FAM219A: variants seen among roughly 807,000 people sequenced by gnomAD.
FAM219A encodes the protein family with sequence similarity 219 member A, also known as protein FAM219A.
Under a neutral mutation model 23.4 loss-of-function variants are expected in FAM219A, and 7 were observed. The observed-to-expected ratio is 0.30, with a 90% confidence interval of 0.17 to 0.56. The LOEUF (loss-of-function observed/expected upper bound fraction) is 0.56. Among genes scored for constraint, FAM219A ranks in the 20% least tolerant of loss-of-function variants. FAM219A has a pLI of 0.92. For missense variants in FAM219A, 166 were observed against 246.9 expected, an observed-to-expected ratio of 0.67 and a Z score of 2.20; for synonymous variants, 93 against 99.0, an observed-to-expected ratio of 0.94 and a Z score of 0.36.
Position 34,458,138 on chromosome 9 carries a change from A to C in FAM219A, c.60+66T>G, listed in dbSNP as rs1377418192. 3.0e-5 allele frequency: 29 copies of C among 961,880 alleles called. No individual in the cohort carries two copies. The highest frequency in any genetic ancestry group is 2.2e-4 in the Middle Eastern group (1 of 4,466). The allele number at this position is 961,880 out of a possible 1,614,324, so 59.6% of individuals were successfully genotyped here. ...CCCTCCGCACGATCCCCCCGGCCTG[A>C]TTCCCTCCCTCCCCCTCAAGCGACG... On this transcript the variant is annotated intron_variant, in intron 1 of 5. Transcript: ENST00000651358. This position sits in a 1 kb window ranked among gnomAD's most constrained non-coding sequence, Gnocchi z 6.6.
intron 2 of FAM219A, among the ~76,000 whole-genome samples, chr9:34,405,660 T>A (rs148553961): frequency 1.3e-5 from 2 of 152,284 alleles, no homozygotes; most frequent in African/African-American, 4.8e-5. Context: ...CAGAGATGCC[T>A]CTTAGAGTTT....
chr9:34,448,052 G>A (rs148569876), intron 1 of FAM219A, among the ~76,000 whole-genome samples: 4 of 151,812 alleles, frequency 2.6e-5, no homozygotes, highest in African/African-American at 4.8e-5. Context: ...TTAATTTTTT[G>A]TAGAGACAGG....
chr9:34,446,910 A>G (rs1564017878), intron 1 of FAM219A, among the ~76,000 whole-genome samples: 1 of 152,094 alleles, frequency 6.6e-6, no homozygotes, highest in Non-Finnish European at 1.5e-5. Context: ...ATTACCTCCT[A>G]GGAACTGAAT....
At chr9:34,416,126 T>C (rs886125392) in intron 1 of FAM219A, among the ~76,000 whole-genome samples, 3 of 150,464 alleles carry the variant, frequency 2.0e-5, no homozygotes, top group Admixed American at 6.7e-5. Context: ...GAGTGAGCTA[T>C]GATTGTGCCA....
intron 1 of FAM219A, among the ~76,000 whole-genome samples, chr9:34,440,358 T>C (rs532907606): frequency 6.6e-6 from 1 of 152,254 alleles, no homozygotes; most frequent in South Asian, 2.1e-4. Context: ...AAGAGGCAGC[T>C]CTCAACTTCT....
At chr9:34,440,400 C>T (rs544424476) in intron 1 of FAM219A, among the ~76,000 whole-genome samples, 14 of 152,226 alleles carry the variant, frequency 9.2e-5, no homozygotes, top group African/African-American at 3.1e-4. Flanking sequence ...GCTTGCAGTG[C>T]CCTCAGTGCA....
chr9:34,445,711 A>C (rs1823346064), intron 1 of FAM219A, among the ~76,000 whole-genome samples: 1 of 152,250 alleles, frequency 6.6e-6, no homozygotes, highest in Admixed American at 6.5e-5. Flanking sequence ...CAAGTTGCGA[A>C]GGAGGGTCTA....
At chr9:34,441,196 G>C (rs574747285) in intron 1 of FAM219A, among the ~76,000 whole-genome samples, 1 of 152,196 alleles carries the variant, frequency 6.6e-6, no homozygotes, top group Non-Finnish European at 1.5e-5. Flanking sequence ...GGAAGCTCAG[G>C]AAACAAGTAA....
chr9:34,425,745 G>A (rs1013318749), intron 1 of FAM219A, among the ~76,000 whole-genome samples: 2 of 152,134 alleles, frequency 1.3e-5, no homozygotes, highest in Non-Finnish European at 2.9e-5. Flanking sequence ...CAGCCTCAAT[G>A]AGGTTAGACT....
chr9:34,399,419 C>G lies in FAM219A; in HGVS notation c.*1545G>C, dbSNP rs1821342705. ...GCAATAGCAGAAGCAGCTGTATACA[C>G]ATCTTGATCTACAGACACCCTATAC... On this transcript the variant is annotated 3_prime_UTR_variant, in exon 6 of 6. Coordinates refer to ENST00000651358, the MANE Select transcript of FAM219A (RefSeq NM_001184940.2). The G allele has an allele frequency of 6.6e-6, 1 of 152,262 alleles. No individual in the cohort carries two copies. The highest frequency in any genetic ancestry group is 2.1e-4 in the South Asian group (1 of 4,824). The allele number at this position is 152,262 out of a possible 1,614,324, so 9.4% of individuals were successfully genotyped here.
intron 1 of FAM219A, among the ~76,000 whole-genome samples, chr9:34,421,264 G>A (rs1287142196): frequency 6.6e-6 from 1 of 152,066 alleles, no homozygotes; most frequent in Non-Finnish European, 1.5e-5. Flanking sequence ...GTTCATGTGT[G>A]TGTGTTATAG....
intron 1 of FAM219A, among the ~76,000 whole-genome samples, chr9:34,422,344 C>A (rs1054040625): frequency 1.3e-5 from 2 of 152,184 alleles, no homozygotes; most frequent in African/African-American, 2.4e-5. Context: ...AATTGAAGAA[C>A]TAGGTTGCAT....
At chr9:34,434,941 TC>T (rs1309241778) in intron 1 of FAM219A, among the ~76,000 whole-genome samples, 2 of 152,172 alleles carry the variant, frequency 1.3e-5, no homozygotes, top group African/African-American at 2.4e-5. Context: ...TGCCTCAGCC[TC>T]CCAAGTAGCT....
intron 1 of FAM219A, among the ~76,000 whole-genome samples, chr9:34,437,541 G>A (rs1005096246): frequency 9.9e-5 from 15 of 152,200 alleles, no homozygotes; most frequent in Admixed American, 9.2e-4. Flanking sequence ...ATGCCAAAAG[G>A]GGGCAGTGCA....
At chr9:34,413,215 C>A (rs894780871) in intron 1 of FAM219A, among the ~76,000 whole-genome samples, 4 of 148,988 alleles carry the variant, frequency 2.7e-5, no homozygotes, top group African/African-American at 1.0e-4. Flanking sequence ...AATCAGATAA[C>A]ATGGAGGCAG....
At chr9:34,404,903 T>C (rs1453811159) in intron 2 of FAM219A, among the ~76,000 whole-genome samples, 1 of 151,412 alleles carries the variant, frequency 6.6e-6, no homozygotes, top group Admixed American at 6.6e-5. Context: ...AAAAAAATAG[T>C]AGTTGAATAA....
At chr9:34,409,563 C>T (rs1402926974) in intron 1 of FAM219A, among the ~76,000 whole-genome samples, 1 of 152,204 alleles carries the variant, frequency 6.6e-6, no homozygotes, top group Middle Eastern at 3.2e-3. Flanking sequence ...TTCTGCAACC[C>T]TTCAAATAAA....
intron 2 of FAM219A, among the ~76,000 whole-genome samples, chr9:34,404,709 A>AAACAAC (rs3036359): frequency 7.5e-4 from 113 of 151,014 alleles, no homozygotes; most frequent in African/African-American, 2.1e-3. Context: ...CTCTGTCTCA[A>AAACAAC]AACAACAACA....
chr9:34,440,846 G>T (rs1445423003), intron 1 of FAM219A, among the ~76,000 whole-genome samples: 4 of 146,472 alleles, frequency 2.7e-5, no homozygotes, highest in Non-Finnish European at 6.0e-5. Flanking sequence ...GTGAGACTCG[G>T]TCTCAAAAAA....
Sources: allele counts gnomAD v4.1 joint callset (sites outside exome capture counted in the v4.1 genomes callset), GRCh38; gene constraint gnomAD v4.1.1; non-coding constraint Gnocchi (gnomAD v3.1); transcripts MANE v1.5; gene names NCBI Gene and HGNC (gene_info 2026-07-23, HGNC 2026-07-21).